The following AGAP1 variants were observed in gnomAD, a reference collection of about 807,000 sequenced individuals.
The protein encoded by AGAP1 is ArfGAP with GTPase domain, ankyrin repeat and PH domain 1.
AGAP1 carries 29 observed loss-of-function variants against 105.3 expected under a neutral mutation model. The observed-to-expected ratio is 0.28, with a 90% CI of 0.21 to 0.38. The LOEUF (loss-of-function observed/expected upper bound fraction) is 0.38, where lower values mean the gene tolerates loss of function less well. Among genes scored for constraint, AGAP1 ranks in the 10% least tolerant of loss-of-function variants. The pLI is 1.00. For missense variants in AGAP1, 998 were observed against 1,165.1 expected (o/e 0.86, Z 2.09); for synonymous variants, 509 against 485.9 (o/e 1.05, Z -0.63).
At chr2:236,060,664 C>T (rs1429743614) in intron 16 of AGAP1, among the ~76,000 whole-genome samples, 2 of 151,566 alleles carry the variant, frequency 1.3e-5, no homozygotes, top group Non-Finnish European at 1.5e-5. Context: ...CACTGCACTC[C>T]AGCCTGGGCC....
intron 11 of AGAP1, among the ~76,000 whole-genome samples, chr2:235,920,285 G>T (rs867681460): frequency 1.1e-4 from 16 of 152,138 alleles, no homozygotes; most frequent in African/African-American, 3.4e-4. Flanking sequence ...TAAATATTTT[G>T]TCTTAAATTG....
intron 16 of AGAP1, among the ~76,000 whole-genome samples, chr2:236,097,488 G>T (rs927185480): frequency 1.4e-5 from 2 of 144,042 alleles, no homozygotes; most frequent in African/African-American, 5.3e-5. Flanking sequence ...TGCCTCCTGG[G>T]TTCAAGTGAT....
At chr2:235,822,113 T>G (rs1490831216) in intron 9 of AGAP1, among the ~76,000 whole-genome samples, 1 of 152,234 alleles carries the variant, frequency 6.6e-6, no homozygotes, top group Non-Finnish European at 1.5e-5. Context: ...TTTTTCCATT[T>G]GATAAAGTTA....
chr2:235,557,775 T>TG lies in AGAP1; in HGVS notation c.163+62930dup, dbSNP rs1371791806. Among the ~76,000 whole-genome samples the TG allele has an allele frequency of 6.6e-6, 1 of 152,162 alleles. No individual in the cohort carries two copies. Among genetic ancestry groups the TG allele is most frequent in the African/African-American group, 2.4e-5 (1 of 41,424 alleles). On this transcript the variant is annotated intron_variant, in intron 1 of 17. Transcript: ENST00000304032. The surrounding 1 kb of genome is among the most constrained non-coding windows in gnomAD (Gnocchi z 4.7). ...CCGTGTGCACCTTCATGGTACGTGC[T>TG]GGGGTTGTGCCTTATGAAAACAACG...
chr2:236,048,478 A>G (rs1009933468), intron 15 of AGAP1, among the ~76,000 whole-genome samples: 3 of 152,246 alleles, frequency 2.0e-5, no homozygotes, highest in Non-Finnish European at 4.4e-5. Context: ...CAGTTGCTTC[A>G]GTAGCTATAG....
chr2:235,861,509 C>T (rs183454500), intron 9 of AGAP1, among the ~76,000 whole-genome samples: 116 of 152,320 alleles, frequency 7.6e-4, no homozygotes, highest in Admixed American at 2.4e-3. Context: ...AGAAGGCTTT[C>T]GTAGAGGACA....
chr2:236,088,983 CAA>C (rs1362513523), intron 16 of AGAP1, among the ~76,000 whole-genome samples: 1 of 152,148 alleles, frequency 6.6e-6, no homozygotes, highest in Non-Finnish European at 1.5e-5. Flanking sequence ...TCACTTCTAC[CAA>C]AAGAGAAAGA....
At chr2:235,945,864 G>A (rs1205543270) in intron 12 of AGAP1, among the ~76,000 whole-genome samples, 1 of 150,332 alleles carries the variant, frequency 6.7e-6, no homozygotes, top group Non-Finnish European at 1.5e-5. Flanking sequence ...AGAAGGCAGA[G>A]GGGGAGCCGG....
At chr2:235,673,259 C>T (rs1373816511) in intron 1 of AGAP1, among the ~76,000 whole-genome samples, 2 of 152,184 alleles carry the variant, frequency 1.3e-5, no homozygotes, top group African/African-American at 4.8e-5. Flanking sequence ...ATATTTGCTT[C>T]CTGTGACATA....
chr2:235,590,787 C>T (rs1348147366), intron 1 of AGAP1, among the ~76,000 whole-genome samples: 1 of 125,414 alleles, frequency 8.0e-6, no homozygotes, highest in African/African-American at 3.1e-5. Context: ...GTGGTGTGAT[C>T]TCGGCTCACT....
chr2:236,099,106 CG>C (rs1576300946), intron 16 of AGAP1, among the ~76,000 whole-genome samples: 1 of 151,084 alleles, frequency 6.6e-6, no homozygotes, highest in Non-Finnish European at 1.5e-5. Context: ...CAGGGTGGGC[CG>C]GGGGGACTTC....
At chr2:235,766,025 C>G (rs908277847) in intron 6 of AGAP1, among the ~76,000 whole-genome samples, 12 of 152,100 alleles carry the variant, frequency 7.9e-5, no homozygotes, top group African/African-American at 2.9e-4. Flanking sequence ...AAGGCAGGTG[C>G]TAGAAATTAG....
chr2:236,018,892 G>A (rs1459442011), intron 13 of AGAP1, among the ~76,000 whole-genome samples: 1 of 152,166 alleles, frequency 6.6e-6, no homozygotes, highest in East Asian at 1.9e-4. Context: ...CAGTCTCCCC[G>A]ACACTGCGAT....
rs144389581 is a variant in AGAP1, at chr2:235,898,372, C to G, written c.1156-10366C>G. ...AGACGGCATTTTGCAATAAAAATGT[C>G]TGACTACCATATACATGCCTCCCCC... On this transcript the variant is annotated intron_variant, in intron 10 of 17. Coordinates refer to ENST00000304032, the MANE Select transcript of AGAP1 (RefSeq NM_001037131.3). Among the ~76,000 whole-genome samples the G allele has an allele frequency of 4.4e-4, 67 of 151,200 alleles. 1 individual carries two copies. In the East Asian group the frequency reaches 0.012, roughly 27 times the overall value.
intron 1 of AGAP1, among the ~76,000 whole-genome samples, chr2:235,678,355 G>A (rs1948871949): frequency 6.6e-6 from 1 of 152,214 alleles, no homozygotes; most frequent in South Asian, 2.1e-4. Context: ...TTTGTTCCTA[G>A]TATTAGAGAA....
rs146362787 is a variant in AGAP1, at chr2:235,993,030, A to C, written c.1645+24407A>C. Among the ~76,000 whole-genome samples, 2 of 152,336 alleles carry C rather than the reference A, an allele frequency of 1.3e-5. No individual in the cohort carries two copies. The highest frequency in any genetic ancestry group is 4.8e-5 in the African/African-American group (2 of 41,568). On this transcript the variant is annotated intron_variant, in intron 13 of 17. Transcript: ENST00000304032. This position sits in a 1 kb window ranked among gnomAD's most constrained non-coding sequence, Gnocchi z 5.0. ...AAAGTTATTGTTATACGTTACAAAA[A>C]ACCAGTTTAAGACATGGACTTTTTT...
At chr2:235,897,958 T>C (rs2050884841) in intron 10 of AGAP1, among the ~76,000 whole-genome samples, 1 of 152,232 alleles carries the variant, frequency 6.6e-6, no homozygotes, top group Non-Finnish European at 1.5e-5. Flanking sequence ...GTGCGATTTA[T>C]GTTCATTAAG....
chr2:235,511,542 C>A (rs1360340314), intron 1 of AGAP1, among the ~76,000 whole-genome samples: 6 of 152,284 alleles, frequency 3.9e-5, no homozygotes, highest in Admixed American at 1.3e-4. Flanking sequence ...TGACTAACTG[C>A]CTGGCAGCCT....
Position 235,750,450 on chromosome 2 carries a change from C to G in AGAP1, c.635C>G (p.Ala212Gly), listed in dbSNP as rs1953335508. The G allele has an allele frequency of 1.2e-6, 2 of 1,614,096 alleles. No individual in the cohort carries two copies. The highest frequency in any genetic ancestry group is 2.7e-5 in the African/African-American group (2 of 74,936). Residue 212 changes from alanine to glycine, a missense_variant, in exon 6 of 18, where the codon GCT (alanine) becomes GGT (glycine). By Grantham distance (60) the Ala-to-Gly change is moderately conservative. This residue lies in a region of AGAP1 where 735 missense variants were observed against 833.4 expected (regional missense o/e 0.88). Coordinates refer to ENST00000304032, the MANE Select transcript of AGAP1 (RefSeq NM_001037131.3). The surrounding 1 kb of genome is among the most constrained non-coding windows in gnomAD (Gnocchi z 5.3). Reference sequence around the variant, plus strand: ...CGGTGCACGTACTACGAGACGTGTGCTACATACGGGCTGAATGTGGAGAGG... The same window carrying G: ...CGGTGCACGTACTACGAGACGTGTGGTACATACGGGCTGAATGTGGAGAGG... ...LKRCTYYETCATYGLNVERVF... is the reference protein window; with the variant it reads ...LKRCTYYETCGTYGLNVERVF...
Sources: gnomAD v4.1 joint callset for allele counts (sites outside exome capture counted in the v4.1 genomes callset) on GRCh38, gnomAD v4.1.1 for gene constraint, gnomAD v4.1.1 regional missense constraint, Gnocchi (gnomAD v3.1) non-coding constraint, MANE v1.5 for transcripts, NCBI Gene and HGNC (gene_info 2026-07-23, HGNC 2026-07-21) for gene names.